The following MALRD1 variants were observed in gnomAD, a reference collection of about 807,000 sequenced individuals.
The protein encoded by MALRD1 is MAM and LDL-receptor class A domain-containing protein 1.
In MALRD1, 247 loss-of-function variants were observed where a neutral mutation model predicts 242.1. The ratio of observed to expected loss-of-function variants is 1.02; its 90% CI spans 0.92 to 1.13. The LOEUF is 1.13. Among genes scored for constraint, MALRD1 ranks in the 50% most tolerant of loss-of-function variants. The pLI is 0.00. For missense variants in MALRD1, 2,989 were observed against 2,533.1 expected (o/e 1.18, Z -3.86); for synonymous variants, 995 against 866.6 (o/e 1.15, Z -2.60).
chr10:19,134,555 G>C (rs547174347), intron 9 of MALRD1, among the ~76,000 whole-genome samples: 2 of 152,318 alleles, frequency 1.3e-5, no homozygotes, highest in African/African-American at 4.8e-5. Context: ...ATTTATGCTG[G>C]AGTGTGAGTA....
At chr10:19,513,616 G>A (rs867165260) in intron 31 of MALRD1, among the ~76,000 whole-genome samples, 14 of 152,112 alleles carry the variant, frequency 9.2e-5, no homozygotes, top group Middle Eastern at 6.8e-3. Context: ...GCGGGTGCCT[G>A]TAGCCCCAGC....
At chr10:19,405,917 C>G (rs1847079831) in intron 28 of MALRD1, among the ~76,000 whole-genome samples, 1 of 151,502 alleles carries the variant, frequency 6.6e-6, no homozygotes. Context: ...AGTTTATTTC[C>G]TGAAGTATGA....
At chr10:19,620,535 G>T (rs1038630901) in intron 36 of MALRD1, among the ~76,000 whole-genome samples, 3 of 151,940 alleles carry the variant, frequency 2.0e-5, no homozygotes, top group African/African-American at 4.8e-5. Context: ...CCTGGAAATT[G>T]TATCTTTTGC....
chr10:19,219,692 G>A (rs1837477701), intron 18 of MALRD1, among the ~76,000 whole-genome samples: 1 of 152,110 alleles, frequency 6.6e-6, no homozygotes, highest in Admixed American at 6.6e-5. Context: ...CCAGAGTGTT[G>A]GGATTACAGG....
At chr10:19,392,544 G>T (rs571916740) in intron 28 of MALRD1, among the ~76,000 whole-genome samples, 1 of 152,244 alleles carries the variant, frequency 6.6e-6, no homozygotes, top group African/African-American at 2.4e-5. Context: ...ACAAAGCAAA[G>T]CTATTGCTTT....
At chr10:19,360,601 T>TATACAATTC (rs1844848944) in intron 26 of MALRD1, among the ~76,000 whole-genome samples, 1 of 152,140 alleles carries the variant, frequency 6.6e-6, no homozygotes, top group Admixed American at 6.6e-5. Flanking sequence ...ACAGAAATTG[T>TATACAATTC]ATACAATTCT....
chr10:19,451,486 T>C (rs566724179), intron 29 of MALRD1, among the ~76,000 whole-genome samples: 190 of 152,310 alleles, frequency 1.2e-3, no homozygotes, highest in African/African-American at 4.4e-3. Flanking sequence ...GTTTGCAAGG[T>C]TCTTTCAGAG....
intron 36 of MALRD1, among the ~76,000 whole-genome samples, chr10:19,635,198 G>A (rs933397009): frequency 4.6e-5 from 7 of 151,936 alleles, no homozygotes; most frequent in African/African-American, 1.7e-4. Flanking sequence ...ACATCATAAG[G>A]GAGAAAACTT....
intron 1 of MALRD1, among the ~76,000 whole-genome samples, chr10:19,060,421 C>T (rs1452516972): frequency 1.3e-5 from 2 of 152,046 alleles, no homozygotes; most frequent in Non-Finnish European, 1.5e-5. Context: ...ATCTATTTTC[C>T]GGAAATCAGG....
At position 19,615,821 on chromosome 10, in the gene MALRD1, A is replaced by C. The variant is rs890575182; in HGVS notation, c.6071-36A>C. The C allele has an allele frequency of 1.1e-5, 15 of 1,405,636 alleles. No homozygotes were observed. In the Admixed American group the frequency reaches 2.5e-4, roughly 23 times the overall value. The allele number at this position is 1,405,636 out of a possible 1,614,324, so 87.1% of individuals were successfully genotyped here. A position where few individuals can be genotyped will look rare whatever the true frequency, so the allele number is the denominator to read the frequency against. Reference sequence around the variant, plus strand: ...CTTCTTCTTCCTCCTAATACTATTTATAATTAACTGGTGTCTTTGTGATGC... The same window carrying C: ...CTTCTTCTTCCTCCTAATACTATTTCTAATTAACTGGTGTCTTTGTGATGC... On this transcript the variant is annotated intron_variant, in intron 35 of 39. Transcript: ENST00000454679.
At chr10:19,259,711 C>G (rs1251319517) in intron 19 of MALRD1, among the ~76,000 whole-genome samples, 2 of 152,128 alleles carry the variant, frequency 1.3e-5, no homozygotes, top group Non-Finnish European at 2.9e-5. Context: ...GCTTTTCCAT[C>G]TGCTTTCCCC....
In MALRD1 at chr10:19,539,918, A is replaced by G. The variant is rs116419409; in HGVS notation, c.5478+8567A>G. Reference sequence around the variant, plus strand: ...TGTGTGCGCGCGCGCGTGCGCGCACACACGCGCAGTGATGGGGTTTTGCCA... The same window carrying G: ...TGTGTGCGCGCGCGCGTGCGCGCACGCACGCGCAGTGATGGGGTTTTGCCA... On this transcript the variant is annotated intron_variant, in intron 32 of 39. Transcript: ENST00000454679. Among the ~76,000 whole-genome samples, 186 of 47,794 alleles carry G rather than the reference A, an allele frequency of 3.9e-3. 2 individuals are homozygous for G. The highest frequency in any genetic ancestry group is 9.2e-3 in the East Asian group (8 of 874). The allele number at this position is 47,794 out of a possible 152,430, so 31.4% of individuals were successfully genotyped here.
At chr10:19,197,700 T>A (rs1338668878) in intron 14 of MALRD1, among the ~76,000 whole-genome samples, 1 of 152,220 alleles carries the variant, frequency 6.6e-6, no homozygotes, top group Non-Finnish European at 1.5e-5. Context: ...TGATCATTGA[T>A]AAAATTACAG....
At chr10:19,671,035 C>G (rs182077318) in intron 36 of MALRD1, among the ~76,000 whole-genome samples, 2 of 151,976 alleles carry the variant, frequency 1.3e-5, no homozygotes, top group African/African-American at 4.8e-5. Context: ...CCCGCCACCA[C>G]GCCTGGCTAA....
chr10:19,306,396 T>C (rs1460232288), intron 21 of MALRD1, among the ~76,000 whole-genome samples: 3 of 100,232 alleles, frequency 3.0e-5, no homozygotes, highest in African/African-American at 1.1e-4. Context: ...ATATATAGTG[T>C]CGTATATGTA....
chr10:19,236,033 G>A (rs1053570451), intron 18 of MALRD1, among the ~76,000 whole-genome samples: 2 of 152,096 alleles, frequency 1.3e-5, no homozygotes, highest in African/African-American at 2.4e-5. Context: ...GGATTACAAA[G>A]GAAGAATGAT....
chr10:19,241,895 T>A (rs2131747001), intron 18 of MALRD1, among the ~76,000 whole-genome samples: 1 of 152,274 alleles, frequency 6.6e-6, no homozygotes. Flanking sequence ...ATTTCTGGCT[T>A]TATGTCACTG....
At position 19,660,469 on chromosome 10, in the gene MALRD1, A is replaced by C. The variant is rs918550258; in HGVS notation, c.6138-31813A>C. Among the ~76,000 whole-genome samples, 4 of 152,160 alleles carry C rather than the reference A, an allele frequency of 2.6e-5. No homozygotes were observed. The South Asian group carries it at 8.3e-4, about 31-fold the overall frequency. ...ATACACATTTAATGAGTCACTCTGT[A>C]TGCATGATGAGTTTAATGGGAGTAG... On this transcript the variant is annotated intron_variant, in intron 36 of 39. Coordinates refer to ENST00000454679, the MANE Select transcript of MALRD1 (RefSeq NM_001142308.3).
At chr10:19,653,044 C>G (rs1840968343) in intron 36 of MALRD1, among the ~76,000 whole-genome samples, 1 of 152,164 alleles carries the variant, frequency 6.6e-6, no homozygotes, top group South Asian at 2.1e-4. Flanking sequence ...AATGTATCTG[C>G]CTCTCTTATT....
Sources: allele counts gnomAD v4.1 joint callset (sites outside exome capture counted in the v4.1 genomes callset), GRCh38; gene constraint gnomAD v4.1.1; transcripts MANE v1.5; gene names NCBI Gene and HGNC (gene_info 2026-07-23, HGNC 2026-07-21).